Variants in CD99 observed in about 807,000 individuals in gnomAD.
The protein encoded by CD99 is CD99 molecule (Xg blood group), also known as CD99 antigen.
CD99 carries 19 observed loss-of-function variants against 28.4 expected under a neutral mutation model. That is an observed-to-expected ratio of 0.67 (90% confidence interval 0.47 to 0.98). CD99 has a LOEUF of 0.98. Ranked by LOEUF, CD99 falls within the 50% of genes least tolerant of loss-of-function variation. CD99 has a pLI of 0.00. For missense variants in CD99, 283 were observed against 248.8 expected, an observed-to-expected ratio of 1.14 and a Z score of -0.92; for synonymous variants, 103 against 92.1, an observed-to-expected ratio of 1.12 and a Z score of -0.67.
At chrX:2,709,734 A>T (rs1462308378) in intron 1 of CD99, among the ~76,000 whole-genome samples, 1 of 152,264 alleles carries the variant, frequency 6.6e-6, no homozygotes, top group Non-Finnish European at 1.5e-5. Flanking sequence ...AGACACGCAC[A>T]TGCATGTACA....
At chrX:2,695,192 G>A (rs1338733375) in intron 1 of CD99, among the ~76,000 whole-genome samples, 6 of 151,996 alleles carry the variant, frequency 3.9e-5, no homozygotes, top group South Asian at 2.1e-4. Flanking sequence ...TGTGTCTCTC[G>A]GGGTGCGAAG....
intron 1 of CD99, among the ~76,000 whole-genome samples, chrX:2,699,761 G>T (rs150875839): frequency 6.6e-6 from 1 of 152,134 alleles, no homozygotes; most frequent in African/African-American, 2.4e-5. Flanking sequence ...CCCGCTATTA[G>T]GAATTTTTAA....
intron 7 of CD99, 145 bp from the exon 8 acceptor site, chrX:2,726,114 CT>C (rs1418192713): frequency 9.7e-6 from 6 of 617,460 alleles, no homozygotes; most frequent in Non-Finnish European, 1.8e-5. Flanking sequence ...GGCATGCTTC[CT>C]TTGCAAATCG....
Position 2,722,687 on chromosome X carries a change from T to A in CD99, c.310+13T>A, listed in dbSNP as rs1204376295. On this transcript the variant is annotated intron_variant, in intron 6 of 9. Transcript: ENST00000381192. ...TCAGGTGGAGAAGGTACAGTTATCT[T>A]GTTTTCTGTCTCTTTTCTCTCTCCA... is the stretch of plus-strand genomic sequence containing the variant. 3.7e-6 allele frequency: 6 copies of A among 1,613,792 alleles called. No homozygotes were observed. The South Asian group carries it at 5.5e-5, about 15-fold the overall frequency.
chrX:2,738,015 A>G (rs772625574), intron 8 of CD99, 185 bp from the exon 9 acceptor site: 5 of 728,380 alleles, frequency 6.9e-6, no homozygotes, highest in African/African-American at 1.7e-5. Flanking sequence ...AAATACTGGC[A>G]AAGTCTTCAC....
At chrX:2,732,562 C>T (rs866445245) in intron 8 of CD99, among the ~76,000 whole-genome samples, 2 of 137,700 alleles carry the variant, frequency 1.5e-5, no homozygotes, top group South Asian at 2.3e-4. Flanking sequence ...CTCAGTTCTC[C>T]CTCTCTCTCT....
intron 5 of CD99, among the ~76,000 whole-genome samples, chrX:2,721,986 C>T (rs1023643940): frequency 6.6e-6 from 1 of 151,656 alleles, no homozygotes. Context: ...AGATTTTTAC[C>T]AATTTATTTT....
At chrX:2,729,212 A>C (rs1409441158) in intron 8 of CD99, among the ~76,000 whole-genome samples, 2 of 152,186 alleles carry the variant, frequency 1.3e-5, no homozygotes, top group African/African-American at 4.8e-5. Flanking sequence ...ATTCTCTGAA[A>C]ATCTTTAGGT....
intron 1 of CD99, among the ~76,000 whole-genome samples, chrX:2,708,388 G>A (rs770527243): frequency 9.0e-4 from 137 of 152,188 alleles, no homozygotes; most frequent in Non-Finnish European, 9.9e-4. Flanking sequence ...TTAGTCACCC[G>A]AGGAGAAAAT....
chrX:2,691,927 G>C (rs772770090), intron 1 of CD99: 2 of 778,408 alleles, frequency 2.6e-6, no homozygotes, highest in Admixed American at 1.7e-5. Flanking sequence ...GGAAGGAAAA[G>C]TTAGAAAAAA....
intron 1 of CD99, among the ~76,000 whole-genome samples, chrX:2,707,166 C>T (rs2048159777): frequency 6.6e-6 from 1 of 152,076 alleles, no homozygotes; most frequent in Non-Finnish European, 1.5e-5. Flanking sequence ...TCCATCTCTA[C>T]TAAAAACACA....
At chrX:2,719,573 C>T (rs1381823053) in intron 3 of CD99, 88 bp from the exon 4 acceptor site, 39 of 1,011,242 alleles carry the variant, frequency 3.9e-5, no homozygotes, top group African/African-American at 2.2e-4. Context: ...AATGTGGGGC[C>T]GTGGTGTGTT....
At chrX:2,726,755 T>G (rs2049305955) in intron 8 of CD99, among the ~76,000 whole-genome samples, 1 of 152,156 alleles carries the variant, frequency 6.6e-6, no homozygotes. Context: ...ATTCCTGCCC[T>G]GTTATTTACA....
At chrX:2,697,228 C>T (rs1342359425) in intron 1 of CD99, among the ~76,000 whole-genome samples, 1 of 152,156 alleles carries the variant, frequency 6.6e-6, no homozygotes, top group East Asian at 1.9e-4. Flanking sequence ...AAAGCGGTTG[C>T]AAACCCCTTT....
intron 6 of CD99, 43 bp from the exon 7 acceptor site, chrX:2,723,271 G>T (rs1348032967): frequency 6.2e-7 from 1 of 1,610,740 alleles, no homozygotes; most frequent in Non-Finnish European, 8.5e-7. Context: ...ATTTTTCCTT[G>T]ACCCCAAACC....
chrX:2,714,282 A>C, intron 1 of CD99, 140 bp from the exon 2 acceptor site: 1 of 638,454 alleles, frequency 1.6e-6, no homozygotes, highest in Non-Finnish European at 2.7e-6. Context: ...GAGAAGAGAA[A>C]TCACGCACCT....
chrX:2,711,907 G>A (rs189373774), intron 1 of CD99, among the ~76,000 whole-genome samples: 234 of 152,100 alleles, frequency 1.5e-3, no homozygotes, highest in Non-Finnish European at 2.3e-3. Flanking sequence ...TGGGCATGAT[G>A]GGCGGGCGCC....
At chrX:2,733,025 C>CT (rs1421307189) in intron 8 of CD99, among the ~76,000 whole-genome samples, 1 of 147,504 alleles carries the variant, frequency 6.8e-6, no homozygotes, top group African/African-American at 2.5e-5. Context: ...TCCCTGCTTC[C>CT]TTTTTTCCAA....
intron 3 of CD99, among the ~76,000 whole-genome samples, chrX:2,718,753 CAG>C (rs1177625707): frequency 6.6e-6 from 1 of 152,174 alleles, no homozygotes; most frequent in Non-Finnish European, 1.5e-5. Context: ...GGCGGATAAA[CAG>C]AGTAAAAATG....
Sources: allele counts gnomAD v4.1 joint callset (sites outside exome capture counted in the v4.1 genomes callset), GRCh38; gene constraint gnomAD v4.1.1; transcripts MANE v1.5; gene names NCBI Gene and HGNC (gene_info 2026-07-23, HGNC 2026-07-21).